SPMIP2: variants seen among roughly 807,000 people sequenced by gnomAD.
SPMIP2 encodes the protein sperm microtubule inner protein 2.
the SPMIP2 span, chr4:159,026,401 G>C: frequency 1.0e-6 from 1 of 967,780 alleles, no homozygotes; most frequent in East Asian, 2.8e-5. Context: ...TGGATCATTG[G>C]TTCAGCATCA....
At chr4:159,048,501 C>T in the SPMIP2 span, among the ~76,000 whole-genome samples, 1 of 152,180 alleles carries the variant, frequency 6.6e-6, no homozygotes, top group South Asian at 2.1e-4. Flanking sequence ...ACAGCCTTTC[C>T]ATAGGCATTT....
chr4:158,934,713 C>G, the SPMIP2 span, among the ~76,000 whole-genome samples: 14 of 152,052 alleles, frequency 9.2e-5, no homozygotes, highest in Non-Finnish European at 1.8e-4. Flanking sequence ...ATGATATAAC[C>G]ATATACTCTG....
chr4:159,060,337 C>T, the SPMIP2 span, among the ~76,000 whole-genome samples: 1 of 152,184 alleles, frequency 6.6e-6, no homozygotes, highest in Non-Finnish European at 1.5e-5. Context: ...CAAATGAGGT[C>T]ATTGTACTTG....
chr4:158,979,960 T>C, the SPMIP2 span, among the ~76,000 whole-genome samples: 1 of 152,060 alleles, frequency 6.6e-6, no homozygotes, highest in Non-Finnish European at 1.5e-5. Context: ...GGTTTGAAAT[T>C]CTTGCTGTCG....
chr4:159,081,719 C>A, the SPMIP2 span, among the ~76,000 whole-genome samples: 337 of 151,642 alleles, frequency 2.2e-3, 3 homozygotes, highest in Non-Finnish European at 4.4e-3. Context: ...GAGAAAAAAA[C>A]AAAAAGAAAA....
chr4:158,950,901 G>A, the SPMIP2 span, among the ~76,000 whole-genome samples: 1 of 152,004 alleles, frequency 6.6e-6, no homozygotes, highest in African/African-American at 2.4e-5. Context: ...TCAAAAACAA[G>A]CAGGCAAAAT....
At chr4:158,959,402 G>A in the SPMIP2 span, among the ~76,000 whole-genome samples, 3 of 151,522 alleles carry the variant, frequency 2.0e-5, no homozygotes, top group Admixed American at 1.3e-4. Context: ...CTTTAAATAT[G>A]GTACGTGTTT....
chr4:158,982,614 T>C, the SPMIP2 span, among the ~76,000 whole-genome samples: 1 of 152,190 alleles, frequency 6.6e-6, no homozygotes, highest in African/African-American at 2.4e-5. Flanking sequence ...AATCTGCTCC[T>C]GAATGACTAC....
At chr4:158,973,402 AT>A in the SPMIP2 span, 10 of 741,968 alleles carry the variant, frequency 1.3e-5, no homozygotes, top group Non-Finnish European at 2.0e-5. Flanking sequence ...ATAGCCAATA[AT>A]TATATGGTAC....
chr4:159,033,577 G>A, the SPMIP2 span, among the ~76,000 whole-genome samples: 3 of 152,156 alleles, frequency 2.0e-5, no homozygotes, highest in Non-Finnish European at 4.4e-5. Context: ...AAAATGTGCA[G>A]ACTTAAGTAA....
the SPMIP2 span, among the ~76,000 whole-genome samples, chr4:158,938,304 T>C: frequency 6.6e-6 from 1 of 152,204 alleles, no homozygotes; most frequent in East Asian, 1.9e-4. Context: ...TTATTTTTCC[T>C]TTAAGAAGGA....
At chr4:158,898,176 A>T in the SPMIP2 span, among the ~76,000 whole-genome samples, 65,312 of 151,870 alleles carry the variant, frequency 0.43, 14,618 homozygotes, top group Middle Eastern at 0.53. Context: ...CTGAGGCCTC[A>T]GTTCTGTTCC....
the SPMIP2 span, among the ~76,000 whole-genome samples, chr4:159,040,290 G>A: frequency 6.6e-6 from 1 of 151,950 alleles, no homozygotes; most frequent in African/African-American, 2.4e-5. Flanking sequence ...TCCTGCCTCA[G>A]CCTCCCGAGT....
chr4:159,003,414 A>G, the SPMIP2 span, among the ~76,000 whole-genome samples: 1 of 152,324 alleles, frequency 6.6e-6, no homozygotes, highest in African/African-American at 2.4e-5. Flanking sequence ...TGTATGTAGC[A>G]TATGTGAGGC....
the SPMIP2 span, among the ~76,000 whole-genome samples, chr4:158,999,864 C>T: frequency 6.6e-6 from 1 of 152,112 alleles, no homozygotes; most frequent in African/African-American, 2.4e-5. Context: ...TTTCCCATCT[C>T]TGTAAATAAA....
chr4:158,908,748 G>A, the SPMIP2 span, among the ~76,000 whole-genome samples: 1 of 152,190 alleles, frequency 6.6e-6, no homozygotes, highest in East Asian at 1.9e-4. Flanking sequence ...GTGCAATGGT[G>A]CAATCTCGGC....
At chr4:158,908,961 T>C in the SPMIP2 span, among the ~76,000 whole-genome samples, 1 of 152,218 alleles carries the variant, frequency 6.6e-6, no homozygotes, top group African/African-American at 2.4e-5. Flanking sequence ...GTGCTGGGAT[T>C]ACAGGCGTGA....
At chr4:159,004,693 T>C in the SPMIP2 span, among the ~76,000 whole-genome samples, 1 of 152,230 alleles carries the variant, frequency 6.6e-6, no homozygotes, top group Non-Finnish European at 1.5e-5. Context: ...TTCTGGCACC[T>C]AACATGGTTG....
chr4:158,993,388 G>GA, the SPMIP2 span, among the ~76,000 whole-genome samples: 1 of 150,708 alleles, frequency 6.6e-6, no homozygotes, highest in African/African-American at 2.4e-5. Flanking sequence ...AGAAAAAAAA[G>GA]AAAAAAAAGA....
Sources: gnomAD v4.1 joint callset for allele counts (sites outside exome capture counted in the v4.1 genomes callset) on GRCh38, gnomAD v4.1.1 for gene constraint, MANE v1.5 for transcripts, NCBI Gene and HGNC (gene_info 2026-07-23, HGNC 2026-07-21) for gene names.